Variants in MALRD1 observed in about 807,000 individuals in gnomAD.
The protein encoded by MALRD1 is MAM and LDL receptor class A domain containing 1.
In MALRD1, 247 loss-of-function variants were observed where a neutral mutation model predicts 242.1. That is an observed-to-expected ratio of 1.02 (90% CI 0.92 to 1.13). The LOEUF (loss-of-function observed/expected upper bound fraction) is 1.13. MALRD1 is among the 50% of genes most tolerant of loss of function. The pLI, the probability that MALRD1 is intolerant of heterozygous loss-of-function variation, is 0.00. For missense variants in MALRD1, 2,989 were observed against 2,533.1 expected, an observed-to-expected ratio of 1.18 and a Z score of -3.86; for synonymous variants, 995 against 866.6, an observed-to-expected ratio of 1.15 and a Z score of -2.60.
intron 10 of MALRD1, among the ~76,000 whole-genome samples, chr10:19,144,175 A>ATAATATTCATTTGTAATGAAAGAAATG (rs1174957082): frequency 6.6e-6 from 1 of 152,126 alleles, no homozygotes. Flanking sequence ...AGAGGGAAAA[A>ATAATATTCATTTGTAATGAAAGAAATG]TAATATTCAT....
chr10:19,198,458 G>C (rs1254561893), intron 14 of MALRD1, among the ~76,000 whole-genome samples: 1 of 152,178 alleles, frequency 6.6e-6, no homozygotes, highest in Non-Finnish European at 1.5e-5. Context: ...AAACTTGTCT[G>C]ACCTTTTCTT....
intron 29 of MALRD1, among the ~76,000 whole-genome samples, chr10:19,486,041 AC>A (rs1837224008): frequency 6.6e-6 from 1 of 152,194 alleles, no homozygotes. Flanking sequence ...TAACCTAGTT[AC>A]AAAAAAATTT....
chr10:19,270,799 C>G (rs1205397905), intron 19 of MALRD1, among the ~76,000 whole-genome samples: 4 of 127,898 alleles, frequency 3.1e-5, no homozygotes, highest in Admixed American at 2.5e-4. Flanking sequence ...AGATGGCATT[C>G]AAAGGATAAC....
intron 29 of MALRD1, chr10:19,489,105 G>T (rs774289367): frequency 6.5e-6 from 3 of 463,484 alleles, no homozygotes; most frequent in Non-Finnish European, 1.3e-5. Context: ...GAATGCCCAA[G>T]AGGAAGGTCA....
At chr10:19,200,660 T>TTTTGTTTTGTTTTTG (rs1564462013) in intron 14 of MALRD1, among the ~76,000 whole-genome samples, 2 of 147,106 alleles carry the variant, frequency 1.4e-5, no homozygotes, top group African/African-American at 5.0e-5. Flanking sequence ...TTTTTTTTTT[T>TTTTGTTTTGTTTTTG]TTTTTTTTTT....
At chr10:19,079,081 A>G (rs1384563126) in intron 2 of MALRD1, among the ~76,000 whole-genome samples, 3 of 150,942 alleles carry the variant, frequency 2.0e-5, no homozygotes, top group Non-Finnish European at 3.0e-5. Flanking sequence ...CTTATTATTA[A>G]TGTTGAGATC....
rs1374334365 is a variant in MALRD1, at chr10:19,369,553, T to A, written c.4441+17256T>A. Among the ~76,000 whole-genome samples the A allele has an allele frequency of 1.6e-4, 24 of 149,176 alleles. No homozygotes were observed. The South Asian group carries it at 5.0e-3, about 31-fold the overall frequency. ...GTAAATACACAAATATTTAAATATA[T>A]TTACATATAATATGCAAATATGTGA... On this transcript the variant is annotated intron_variant, in intron 26 of 39. Coordinates refer to ENST00000454679, the MANE Select transcript of MALRD1 (RefSeq NM_001142308.3).
In MALRD1 at chr10:19,248,830, A is replaced by T. The variant is rs1038623062; in HGVS notation, c.2992-8854A>T. 2.7e-5 allele frequency among the ~76,000 whole-genome samples: 4 copies of T among 150,872 alleles called. No homozygotes were observed. In the East Asian group the frequency reaches 7.7e-4, roughly 29 times the overall value. ...ATTTAGTATTAAAATGATAGATTTT[A>T]AAAAATATGTTGTAAGACTGGCCAC... is the stretch of plus-strand genomic sequence containing the variant. On this transcript the variant is annotated intron_variant, in intron 18 of 39. Transcript: ENST00000454679.
chr10:19,491,126 G>T, intron 29 of MALRD1: 1 of 374,788 alleles, frequency 2.7e-6, no homozygotes, highest in Non-Finnish European at 5.5e-6. Context: ...AGATCACCAG[G>T]AGCATTACGA....
At chr10:19,160,156 G>A (rs547380949) in intron 12 of MALRD1, among the ~76,000 whole-genome samples, 35 of 152,242 alleles carry the variant, frequency 2.3e-4, no homozygotes, top group Admixed American at 7.9e-4. Context: ...GAATGAAGCA[G>A]GCATGCGTCA....
chr10:19,441,688 T>C (rs558589271), intron 28 of MALRD1, among the ~76,000 whole-genome samples: 1 of 152,300 alleles, frequency 6.6e-6, no homozygotes, highest in African/African-American at 2.4e-5. Context: ...TCCATTGGTC[T>C]ATATCTGTTT....
chr10:19,603,848 A>G (rs1378229154), intron 34 of MALRD1, among the ~76,000 whole-genome samples: 4 of 152,130 alleles, frequency 2.6e-5, no homozygotes, highest in Non-Finnish European at 5.9e-5. Flanking sequence ...GGTGCCATGA[A>G]CCATGCCCAT....
In MALRD1 at chr10:19,204,923, G is replaced by C. The variant is rs1367589290; in HGVS notation, c.2236G>C (p.Gly746Arg). The C allele has an allele frequency of 6.5e-7, 1 of 1,548,886 alleles. No homozygotes were observed. Among genetic ancestry groups the C allele is most frequent in the Non-Finnish European group, 8.7e-7 (1 of 1,145,690 alleles). ...FWFYNYGLSV[G>R]AAELQLHMEN... ...GTTCTATAACTATGGCCTGTCAGTG[G>C]GAGCAGCTGAGCTGCAGCTACATAT... The change falls in exon 17 of 40, where the codon GGA becomes CGA. Residue 746 changes from glycine (G) to arginine (R), a missense_variant. Coordinates refer to ENST00000454679, the MANE Select transcript of MALRD1 (RefSeq NM_001142308.3).
At chr10:19,727,447 A>G (rs1835084902) in intron 38 of MALRD1, among the ~76,000 whole-genome samples, 1 of 152,208 alleles carries the variant, frequency 6.6e-6, no homozygotes, top group South Asian at 2.1e-4. Context: ...CATCAGAATT[A>G]TCTTAGTTCT....
rs536594130 is a variant in MALRD1, at chr10:19,172,494, T to G, written c.1831-2714T>G. ...TGAAGTTGGATTTATCCTTCCATTT[T>G]AATATGAATATCTAAAGGAACCTGG... On this transcript the variant is annotated intron_variant, in intron 13 of 39. Transcript: ENST00000454679. Among the ~76,000 whole-genome samples the G allele has an allele frequency of 3.9e-5, 6 of 151,958 alleles. No individual in the cohort carries two copies. The South Asian group carries it at 1.2e-3, about 32-fold the overall frequency.
chr10:19,452,474 A>C (rs1185096030), intron 29 of MALRD1, among the ~76,000 whole-genome samples: 1 of 152,220 alleles, frequency 6.6e-6, no homozygotes, highest in Non-Finnish European at 1.5e-5. Flanking sequence ...TCATGTTGTC[A>C]ATTATAGTTG....
chr10:19,300,339 A>G (rs1841888236), intron 21 of MALRD1, among the ~76,000 whole-genome samples: 1 of 152,004 alleles, frequency 6.6e-6, no homozygotes, highest in Admixed American at 6.6e-5. Flanking sequence ...TGTCAATGAC[A>G]TTTTTCACAG....
At chr10:19,569,956 CT>C (rs1307706012) in intron 33 of MALRD1, among the ~76,000 whole-genome samples, 3 of 151,478 alleles carry the variant, frequency 2.0e-5, no homozygotes, top group Non-Finnish European at 2.9e-5. Context: ...GAAATGTAGC[CT>C]AAGAAATTAC....
At chr10:19,287,693 A>T (rs2496065) in intron 21 of MALRD1, among the ~76,000 whole-genome samples, 41,532 of 151,954 alleles carry the variant, frequency 0.27, 5,891 homozygotes, top group South Asian at 0.42. Flanking sequence ...ATAAAATTGC[A>T]TACATAAATT....
Sources: allele counts gnomAD v4.1 joint callset (sites outside exome capture counted in the v4.1 genomes callset), GRCh38; gene constraint gnomAD v4.1.1; transcripts MANE v1.5; gene names NCBI Gene and HGNC (gene_info 2026-07-23, HGNC 2026-07-21).